Variants in PIWIL4 observed in about 807,000 individuals in gnomAD.
The protein encoded by PIWIL4 is piwi-like protein 4.
Under a neutral mutation model 100.9 loss-of-function variants are expected in PIWIL4, and 50 were observed. That is an observed-to-expected ratio of 0.50 (90% CI 0.39 to 0.63). The LOEUF is 0.63. PIWIL4 is among the 20% of genes least tolerant of loss of function. The probability of loss-of-function intolerance (pLI) is 0.00; values close to 1 mark genes in which losing one functional copy is unlikely to be tolerated. For synonymous variants in PIWIL4, 342 were observed against 367.5 expected, an observed-to-expected ratio of 0.93 and a Z score of 0.79; for missense variants, 887 against 1,043.3, an observed-to-expected ratio of 0.85 and a Z score of 2.06.
In PIWIL4 at chr11:94,579,429, C is replaced by T. The variant is rs537176062; in HGVS notation, c.513+1937C>T. Among the ~76,000 whole-genome samples, 556 of 151,856 alleles carry T rather than the reference C, an allele frequency of 3.7e-3. 3 individuals carry two copies. The highest frequency in any genetic ancestry group is 0.012 in the African/African-American group (512 of 41,252). The stretch of plus-strand genomic sequence containing the variant: ...ACAATTACTACAAGAAAAAAAGAAC[C>T]AATTTCTGTGTGAAAAATTAAAACA... On this transcript the variant is annotated intron_variant, in intron 4 of 19. Transcript: ENST00000299001.
intron 15 of PIWIL4, among the ~76,000 whole-genome samples, chr11:94,614,075 TTTAA>T (rs913375878): frequency 3.3e-5 from 5 of 152,012 alleles, no homozygotes; most frequent in African/African-American, 9.7e-5. Context: ...TTGGTTCTTT[TTTAA>T]TTGTTTCTAT....
chr11:94,620,309 C>T (rs577646821), intron 19 of PIWIL4, among the ~76,000 whole-genome samples, 165 bp downstream of exon 19: 1 of 152,196 alleles, frequency 6.6e-6, no homozygotes, highest in Non-Finnish European at 1.5e-5. Flanking sequence ...CTTCTTGAGT[C>T]CACAGTGGGA....
intron 11 of PIWIL4, among the ~76,000 whole-genome samples, 162 bp from the exon 12 acceptor site, chr11:94,601,633 T>C (rs895913914): frequency 6.6e-6 from 1 of 152,226 alleles, no homozygotes; most frequent in Non-Finnish European, 1.5e-5. Flanking sequence ...AGAAAGCACA[T>C]GTATTCTGTT....
rs766019367 is a variant in PIWIL4 at position 94,567,601 on chromosome 11, C to G, written c.83C>G (p.Pro28Arg). Residue 28 changes from proline to arginine, a missense_variant, in exon 1 of 20, where the codon CCA (proline) becomes CGA (arginine). Physicochemically the swap from Pro to Arg is moderately radical, Grantham distance 103. Transcript: ENST00000299001. Reference sequence around the variant, plus strand: ...GAAGTGGGGCGCATCCAAGCCTCGCCATTGGTGTGTAGAATGCTTATTGCG... The same window carrying G: ...GAAGTGGGGCGCATCCAAGCCTCGCGATTGGTGTGTAGAATGCTTATTGCG... ...ATEVGRIQAS[P>R]LPRSVDLSNN... The G allele has an allele frequency of 6.2e-7, 1 of 1,603,056 alleles. No homozygotes were observed. The highest frequency in any genetic ancestry group is 2.2e-5 in the East Asian group (1 of 44,602).
rs951869091 is a variant in PIWIL4 at position 94,620,079 on chromosome 11, G to A, written c.2377G>A (p.Gly793Ser). The A allele has an allele frequency of 5.0e-6, 8 of 1,613,916 alleles. No individual in the cohort carries two copies. Among genetic ancestry groups the A allele is most frequent in the South Asian group, 1.1e-5 (1 of 91,032 alleles). ...CTATAATGTCATCTATGATGACAACGGCTTGAAGCCCGACCATATGCAGAG... is the reference window on the plus strand; with the variant it reads ...CTATAATGTCATCTATGATGACAACAGCTTGAAGCCCGACCATATGCAGAG... The part of the protein sequence containing the change: ...TYYNVIYDDN[G>S]LKPDHMQRLT... The change falls in exon 19 of 20, where the codon GGC becomes AGC. Residue 793 changes from glycine to serine, a missense_variant. Gly to Ser is a moderately conservative substitution (Grantham distance 56). Around this residue, in one of 2 missense-constraint regions of PIWIL4, gnomAD observed 741 missense variants for 930.0 expected, o/e 0.80. Coordinates refer to ENST00000299001, the MANE Select transcript of PIWIL4 (RefSeq NM_152431.3).
At chr11:94,598,041 C>T in intron 11 of PIWIL4, 126 bp downstream of exon 11, 3 of 670,894 alleles carry the variant, frequency 4.5e-6, no homozygotes, top group Non-Finnish European at 7.6e-6. Flanking sequence ...ATCTCTTTAT[C>T]CTAAGACTTC....
At chr11:94,620,273 GAATGAATGAATC>G (rs1206748822) in intron 19 of PIWIL4, 129 bp downstream of exon 19, 10 of 1,039,078 alleles carry the variant, frequency 9.6e-6, no homozygotes, top group African/African-American at 6.5e-5. Flanking sequence ...AGGAATGAAT[GAATGAATGAATC>G]AATGAATGAA....
intron 2 of PIWIL4, among the ~76,000 whole-genome samples, chr11:94,572,159 T>C (rs1016314662): frequency 3.1e-4 from 47 of 152,346 alleles, no homozygotes; most frequent in African/African-American, 1.1e-3. Context: ...TGTAAATTTG[T>C]TTAAGTTCTT....
At chr11:94,598,675 T>C (rs1488788573) in intron 11 of PIWIL4, among the ~76,000 whole-genome samples, 2 of 151,654 alleles carry the variant, frequency 1.3e-5, no homozygotes, top group African/African-American at 2.4e-5. Flanking sequence ...GAATGTATCA[T>C]GTTGGTAGAA....
intron 2 of PIWIL4, among the ~76,000 whole-genome samples, chr11:94,571,128 C>T (rs2135233096): frequency 6.6e-6 from 1 of 152,118 alleles, no homozygotes; most frequent in East Asian, 1.9e-4. Context: ...TCCAAACACA[C>T]AAATGAATGT....
intron 1 of PIWIL4, 88 bp from the exon 2 acceptor site, chr11:94,568,642 C>G (rs1948107836): frequency 9.9e-7 from 1 of 1,015,004 alleles, no homozygotes; most frequent in Non-Finnish European, 1.5e-6. Flanking sequence ...TCATGGTAAT[C>G]TAAAGACCTG....
At chr11:94,611,808 C>G (rs1948790080) in intron 15 of PIWIL4, among the ~76,000 whole-genome samples, 1 of 152,168 alleles carries the variant, frequency 6.6e-6, no homozygotes, top group Non-Finnish European at 1.5e-5. Flanking sequence ...TCCTGAGGCC[C>G]TCGCCAGAAG....
At chr11:94,614,624 A>G (rs1948826054) in intron 15 of PIWIL4, among the ~76,000 whole-genome samples, 1 of 151,964 alleles carries the variant, frequency 6.6e-6, no homozygotes, top group South Asian at 2.1e-4. Context: ...CTGATTTTTC[A>G]TGTTTCTTGA....
At position 94,567,380 on chromosome 11, in the gene PIWIL4, C is replaced by G; in HGVS notation, c.-139C>G. 1 of 746,656 alleles carries G rather than the reference C, an allele frequency of 1.3e-6. No individual in the cohort carries two copies. The highest frequency in any genetic ancestry group is 2.0e-6 in the Non-Finnish European group (1 of 493,702). 46.3% of individuals were successfully genotyped at this position (746,656 alleles called of 1,614,324 possible). A position where few individuals can be genotyped will look rare whatever the true frequency, so the allele number is the denominator to read the frequency against. The stretch of plus-strand genomic sequence containing the variant: ...ACGGGCCTCGGACGCATTTCCAGCC[C>G]CGGCGTTGGTTGTGGATGCTGGACA... On this transcript the variant is annotated 5_prime_UTR_variant, in exon 1 of 20. Transcript: ENST00000299001.
chr11:94,600,152 C>G (rs1391995601), intron 11 of PIWIL4, among the ~76,000 whole-genome samples: 1 of 152,138 alleles, frequency 6.6e-6, no homozygotes, highest in Non-Finnish European at 1.5e-5. Flanking sequence ...GCGCAGGAAA[C>G]CTGTTTTTCC....
chr11:94,568,755 A>G lies in PIWIL4; in HGVS notation c.113A>G (p.Asn38Ser). The G allele has an allele frequency of 6.2e-7, 1 of 1,609,386 alleles. No homozygotes were observed. The highest frequency in any genetic ancestry group is 8.5e-7 in the Non-Finnish European group (1 of 1,175,710). Residue 38 changes from asparagine (N) to serine (S), a missense_variant, in exon 2 of 20, where the codon AAT becomes AGT. Physicochemically the swap from Asn to Ser is conservative, Grantham distance 46 (BLOSUM62 1). Coordinates refer to ENST00000299001, the MANE Select transcript of PIWIL4 (RefSeq NM_152431.3). ...PLPRSVDLSN[N>S]EASSSNGFLG... ...CCTAGATCTGTTGATCTTAGTAACA[A>G]TGAAGCATCCTCTAGCAATGGCTTC... is the stretch of plus-strand genomic sequence containing the variant.
chr11:94,595,490 C>A, intron 10 of PIWIL4, 64 bp downstream of exon 10: 1 of 1,215,058 alleles, frequency 8.2e-7, no homozygotes, highest in South Asian at 1.3e-5. Context: ...GCCTATGTAA[C>A]ACTGATATAT....
At chr11:94,577,212 G>T in intron 3 of PIWIL4, 66 bp from the exon 4 acceptor site, 1 of 1,281,606 alleles carries the variant, frequency 7.8e-7, no homozygotes, top group South Asian at 1.3e-5. Context: ...TTTTTAAATG[G>T]TGTGATTAAT....
At chr11:94,593,755 G>A (rs867904881) in intron 9 of PIWIL4, 114 bp downstream of exon 9, 6 of 1,228,594 alleles carry the variant, frequency 4.9e-6, no homozygotes, top group Middle Eastern at 2.5e-4. Flanking sequence ...TTTAACCCAT[G>A]GAGGATGGTC....
Sources: allele counts gnomAD v4.1 joint callset (sites outside exome capture counted in the v4.1 genomes callset), GRCh38; gene constraint gnomAD v4.1.1; regional missense constraint gnomAD v4.1.1; transcripts MANE v1.5; gene names NCBI Gene and HGNC (gene_info 2026-07-23, HGNC 2026-07-21).